RSF1: variants seen among roughly 807,000 people sequenced by gnomAD.
RSF1 encodes HBV pX-associated protein 8.
Under a neutral mutation model 145.2 loss-of-function variants are expected in RSF1, and 13 were observed. The observed-to-expected ratio is 0.09, with a 90% CI of 0.06 to 0.14. The LOEUF is 0.14. RSF1 is among the 10% of genes least tolerant of loss of function. RSF1 has a pLI of 1.00. For missense variants in RSF1, 1,517 were observed against 1,718.2 expected (o/e 0.88, Z 2.07); for synonymous variants, 577 against 592.6 (o/e 0.97, Z 0.38).
intron 1 of RSF1, among the ~76,000 whole-genome samples, chr11:77,776,733 A>C (rs1948346247): frequency 6.6e-6 from 1 of 152,256 alleles, no homozygotes; most frequent in Admixed American, 6.5e-5. Flanking sequence ...TAAGCAAACT[A>C]GAGTATCTGA....
chr11:77,675,135 G>C lies in RSF1; in HGVS notation c.3463C>G (p.Pro1155Ala). The C allele has an allele frequency of 6.2e-7, 1 of 1,614,056 alleles. No individual in the cohort carries two copies. Among genetic ancestry groups the C allele is most frequent in the South Asian group, 1.1e-5 (1 of 91,068 alleles). ...SRRLRRHPSR[P>A]MRQSRRLRRK... ...CGCAAACGCCTGCTCTGCCTCATTG[G>C]CCGAGAGGGGTGTCGCCTCAGTCTA... Residue 1155 changes from proline to alanine, a missense_variant, in exon 14 of 16, where the codon CCA (proline) becomes GCA (alanine). Around this residue, in one of 12 missense-constraint regions of RSF1, gnomAD observed 231 missense variants for 276.6 expected, o/e 0.84. Coordinates refer to ENST00000308488, the MANE Select transcript of RSF1 (RefSeq NM_016578.4).
At chr11:77,806,733 A>G (rs954628405) in intron 1 of RSF1, among the ~76,000 whole-genome samples, 5 of 152,004 alleles carry the variant, frequency 3.3e-5, no homozygotes, top group Non-Finnish European at 5.9e-5. Context: ...GATGGGGAGG[A>G]CCCAGAAGGA....
In RSF1 at chr11:77,709,646, C is replaced by T. The variant is rs369434663; in HGVS notation, c.734-7151G>A. On this transcript the variant is annotated intron_variant, in intron 5 of 15. Coordinates refer to ENST00000308488, the MANE Select transcript of RSF1 (RefSeq NM_016578.4). Reference sequence around the variant, plus strand: ...ATAATGGAAAATTTTATGCAAGCTGCCTGCACCATTTTGCTGTATGATAAA... The same window carrying T: ...ATAATGGAAAATTTTATGCAAGCTGTCTGCACCATTTTGCTGTATGATAAA... Among the ~76,000 whole-genome samples, 8 of 152,198 alleles carry T rather than the reference C, an allele frequency of 5.3e-5. No homozygotes were observed. In the South Asian group the frequency reaches 1.7e-3, roughly 32 times the overall value.
chr11:77,822,414 C>CAAA (rs66463325), upstream of RSF1, among the ~76,000 whole-genome samples: 1,181 of 73,670 alleles, frequency 0.016, 39 homozygotes, highest in African/African-American at 0.031. Context: ...GACTCCACCT[C>CAAA]AAAAAAAAAA....
At chr11:77,763,145 C>A (rs1948192530) in intron 2 of RSF1, 1 of 152,020 alleles carries the variant, frequency 6.6e-6, no homozygotes, top group Admixed American at 6.6e-5. Context: ...TCGAGACTAG[C>A]CTGGCCAATA....
At chr11:77,837,825 A>G in the RSF1 span, among the ~76,000 whole-genome samples, 1 of 152,148 alleles carries the variant, frequency 6.6e-6, no homozygotes, top group Non-Finnish European at 1.5e-5. Context: ...GGAGGCTGAG[A>G]AGACAGATTG....
Position 77,698,564 on chromosome 11 carries a change from T to C in RSF1, c.2638A>G (p.Lys880Glu). ...SSAASEEEEE[K>E]ESEEAILADD... ...GCTAGGATGGCTTCTTCACTTTCCTTTTCTTCCTCCTCTTCTGAAGCTGCA... is the reference window on the plus strand; with the variant it reads ...GCTAGGATGGCTTCTTCACTTTCCTCTTCTTCCTCCTCTTCTGAAGCTGCA... The change falls in exon 7 of 16, where the codon AAG becomes GAG. Residue 880 changes from lysine to glutamate, a missense_variant. By Grantham distance (56) the Lys-to-Glu change is moderately conservative. This residue lies in a region of RSF1 where 24 missense variants were observed against 32.1 expected (regional missense o/e 0.75). Coordinates refer to ENST00000308488, the MANE Select transcript of RSF1 (RefSeq NM_016578.4). The C allele has an allele frequency of 6.2e-7, 1 of 1,614,172 alleles. No individual in the cohort carries two copies. Among genetic ancestry groups the C allele is most frequent in the Non-Finnish European group, 8.5e-7 (1 of 1,180,026 alleles).
chr11:77,678,244 G>C, intron 11 of RSF1, 91 bp from the exon 12 acceptor site: 4 of 701,576 alleles, frequency 5.7e-6, no homozygotes, highest in Non-Finnish European at 8.2e-6. Flanking sequence ...TTGAGACGGA[G>C]TCTCTCTTTG....
rs578209211 is a variant in RSF1 at position 77,686,682 on chromosome 11, T to TCA, written c.2901-1524_2901-1523insTG. On this transcript the variant is annotated intron_variant, in intron 9 of 15. Transcript: ENST00000308488. ...GGTTGTGATGCTATTAAAACTGGTA[T>TCA]GTTTAAAAATCATTCAGTGGACTTC... Among the ~76,000 whole-genome samples, 777 of 152,240 alleles carry TCA rather than the reference T, an allele frequency of 5.1e-3. 6 individuals are homozygous for TCA. The highest frequency in any genetic ancestry group is 0.016 in the African/African-American group (656 of 41,536).
chr11:77,832,951 ATGTGTGTGTGTGTGTGTGTGTGTG>A, the RSF1 span, among the ~76,000 whole-genome samples: 1 of 68,416 alleles, frequency 1.5e-5, no homozygotes, highest in Admixed American at 1.9e-4. Flanking sequence ...GTATATATAT[ATGTGTGTGTGTGTGTGTGTGTGTG>A]TGTGTGTGTG....
chr11:77,721,488 C>CA (rs1167246690), intron 5 of RSF1, among the ~76,000 whole-genome samples: 1 of 152,152 alleles, frequency 6.6e-6, no homozygotes, highest in Non-Finnish European at 1.5e-5. Context: ...ACTCTGGAGA[C>CA]AGATTGCCTA....
rs539067239 is a variant in RSF1, at chr11:77,805,162, T to C, written c.187+15366A>G. Among the ~76,000 whole-genome samples, 10 of 152,270 alleles carry C rather than the reference T, an allele frequency of 6.6e-5. No individual in the cohort carries two copies. The East Asian group carries it at 9.6e-4, about 15-fold the overall frequency. ...TCTCTAAAATTACAACAACCTTTTT[T>C]TTGCAAATAAAAATGACAGAATGTC... On this transcript the variant is annotated intron_variant, in intron 1 of 15. Coordinates refer to ENST00000308488, the MANE Select transcript of RSF1 (RefSeq NM_016578.4).
At chr11:77,702,911 G>A (rs1490763019) in intron 5 of RSF1, 1 of 152,930 alleles carries the variant, frequency 6.5e-6, no homozygotes, top group East Asian at 1.9e-4. Context: ...ATTTCACTGA[G>A]GTACCAGGAA....
At chr11:77,822,635 G>C (rs1423560779), upstream of RSF1, among the ~76,000 whole-genome samples, 1 of 151,940 alleles carries the variant, frequency 6.6e-6, no homozygotes, top group Admixed American at 6.6e-5. Flanking sequence ...TCTAAAGAAA[G>C]AATACTCAAT....
In RSF1 at chr11:77,752,103, G is replaced by A. The variant is rs146388360; in HGVS notation, c.280-4975C>T. 2.8e-3 allele frequency among the ~76,000 whole-genome samples: 433 copies of A among 152,268 alleles called. 1 individual carries two copies. Among genetic ancestry groups the A allele is most frequent in the Non-Finnish European group, 4.9e-3 (334 of 68,032 alleles). ...GAAAGAAATTATTTAGACAGACAGC[G>A]AGGGCAAAAGTCCTCAGCAGAACTT... On this transcript the variant is annotated intron_variant, in intron 2 of 15. Transcript: ENST00000308488.
Position 77,663,020 on chromosome 11 carries a change from C to T in RSF1, c.*3897G>A, listed in dbSNP as rs559788470. On this transcript the variant is annotated 3_prime_UTR_variant, in exon 16 of 16. Coordinates refer to ENST00000308488, the MANE Select transcript of RSF1 (RefSeq NM_016578.4). Reference sequence around the variant, plus strand: ...TACTTATCTGAAGTGTGTGCGTGTGCACACACACACACACATATACACATG... The same window carrying T: ...TACTTATCTGAAGTGTGTGCGTGTGTACACACACACACACATATACACATG... 5 of 65,706 alleles carry T rather than the reference C, an allele frequency of 7.6e-5. No homozygotes were observed. The highest frequency in any genetic ancestry group is 1.4e-4 in the Non-Finnish European group (4 of 28,614). The allele number at this position is 65,706 out of a possible 1,614,324, so 4.1% of individuals were successfully genotyped here.
At chr11:77,866,214 T>C in the RSF1 span, among the ~76,000 whole-genome samples, 1 of 152,192 alleles carries the variant, frequency 6.6e-6, no homozygotes, top group African/African-American at 2.4e-5. Flanking sequence ...TGCCATCTTG[T>C]TGTTTAGCTG....
chr11:77,667,660 C>G (rs902553906), intron 15 of RSF1, among the ~76,000 whole-genome samples, 169 bp from the exon 16 acceptor site: 2 of 152,148 alleles, frequency 1.3e-5, no homozygotes, highest in Non-Finnish European at 2.9e-5. Context: ...CATAACAATG[C>G]CCAATATGAT....
At chr11:77,836,468 AT>A in the RSF1 span, among the ~76,000 whole-genome samples, 2 of 152,236 alleles carry the variant, frequency 1.3e-5, no homozygotes, top group Non-Finnish European at 2.9e-5. Flanking sequence ...AGGCCTCGCC[AT>A]AAACCAACCA....
Sources: gnomAD v4.1 joint callset for allele counts (sites outside exome capture counted in the v4.1 genomes callset) on GRCh38, gnomAD v4.1.1 for gene constraint, gnomAD v4.1.1 regional missense constraint, MANE v1.5 for transcripts, NCBI Gene and HGNC (gene_info 2026-07-23, HGNC 2026-07-21) for gene names.